The following TBCK variants were observed in gnomAD, a reference collection of about 807,000 sequenced individuals.
TBCK encodes the protein TBC domain-containing protein kinase-like protein.
In TBCK, 99 loss-of-function variants were observed where a neutral mutation model predicts 113.4. The ratio of observed to expected loss-of-function variants is 0.87; its 90% confidence interval spans 0.74 to 1.03. The LOEUF (loss-of-function observed/expected upper bound fraction) is 1.03, where lower values mean the gene tolerates loss of function less well. Ranked by LOEUF, TBCK falls within the 50% of genes least tolerant of loss-of-function variation. The pLI is 0.00. For synonymous variants in TBCK, 369 were observed against 370.8 expected (o/e 1.00, Z 0.05); for missense variants, 1,045 against 1,061.3 (o/e 0.98, Z 0.21).
At chr4:106,092,397 C>T (rs1027620424) in intron 25 of TBCK, among the ~76,000 whole-genome samples, 1 of 152,256 alleles carries the variant, frequency 6.6e-6, no homozygotes, top group African/African-American at 2.4e-5. Context: ...ACCGTGCACC[C>T]ACACTCCTCA....
At chr4:106,193,801 A>G in intron 21 of TBCK, 31 bp from the exon 22 acceptor site, 4 of 1,380,582 alleles carry the variant, frequency 2.9e-6, no homozygotes, top group Non-Finnish European at 3.9e-6. Flanking sequence ...AAATAAATTA[A>G]AAAACCAAAA....
Position 106,283,995 on chromosome 4 carries a change from G to A in TBCK, c.266+11099C>T, listed in dbSNP as rs368630035. On this transcript the variant is annotated intron_variant, in intron 3 of 25. Coordinates refer to ENST00000394708, the MANE Select transcript of TBCK (RefSeq NM_001163435.3). ...GCCAAGTTTGTATTAACAACACTTG[G>A]CAATTAGTAAGATATAAGGTACAAG... 5.9e-5 allele frequency among the ~76,000 whole-genome samples: 9 copies of A among 152,244 alleles called. No homozygotes were observed. The East Asian group carries it at 1.5e-3, about 26-fold the overall frequency.
chr4:106,106,140 T>C (rs1281406657), intron 24 of TBCK, among the ~76,000 whole-genome samples: 3 of 151,302 alleles, frequency 2.0e-5, no homozygotes, highest in Admixed American at 6.6e-5. Flanking sequence ...AATTATGGGA[T>C]TATGTAAAGA....
At chr4:106,284,431 T>C (rs1467539714) in intron 3 of TBCK, among the ~76,000 whole-genome samples, 1 of 152,106 alleles carries the variant, frequency 6.6e-6, no homozygotes, top group Admixed American at 6.6e-5. Context: ...AGATCATGTT[T>C]TCCATCAGGC....
rs142181713 is a variant in TBCK, at chr4:106,200,093, C to T, written c.1861-5339G>A. The stretch of plus-strand genomic sequence containing the variant: ...TTCACTGTGCTCTAGTTACAATGGT[C>T]TACTGGCTGCTCCTCCACATCTCTG... On this transcript the variant is annotated intron_variant, in intron 20 of 25. Coordinates refer to ENST00000394708, the MANE Select transcript of TBCK (RefSeq NM_001163435.3). Among the ~76,000 whole-genome samples, 764 of 152,318 alleles carry T rather than the reference C, an allele frequency of 5.0e-3. 4 individuals are homozygous for T. The highest frequency in any genetic ancestry group is 0.018 in the African/African-American group (735 of 41,574).
intron 10 of TBCK, among the ~76,000 whole-genome samples, chr4:106,245,550 C>T (rs1247727147): frequency 6.6e-6 from 1 of 152,108 alleles, no homozygotes; most frequent in Non-Finnish European, 1.5e-5. Context: ...TGTTTCCTTG[C>T]CCTTAAGGGG....
At chr4:106,100,627 C>T (rs556343049) in intron 24 of TBCK, among the ~76,000 whole-genome samples, 1 of 152,286 alleles carries the variant, frequency 6.6e-6, no homozygotes, top group South Asian at 2.1e-4. Context: ...GCAAGATTAT[C>T]TCTACCCTCA....
intron 5 of TBCK, among the ~76,000 whole-genome samples, chr4:106,255,658 GGCTGCA>G (rs1761909813): frequency 1.3e-5 from 2 of 149,712 alleles, no homozygotes; most frequent in African/African-American, 4.8e-5. Context: ...CTCCCCAAAG[GGCTGCA>G]GCTCCTCTCT....
intron 24 of TBCK, among the ~76,000 whole-genome samples, chr4:106,100,613 G>T (rs1741445684): frequency 6.6e-6 from 1 of 152,028 alleles, no homozygotes; most frequent in South Asian, 2.1e-4. Context: ...TCCTAATTTT[G>T]CCTGCAAGAT....
At chr4:106,264,186 T>C (rs1024972435) in intron 3 of TBCK, among the ~76,000 whole-genome samples, 3 of 151,956 alleles carry the variant, frequency 2.0e-5, no homozygotes, top group Non-Finnish European at 2.9e-5. Flanking sequence ...TACACTCCTT[T>C]CTGGAAGGTG....
At chr4:106,065,007 C>G (rs1736473165) in intron 25 of TBCK, among the ~76,000 whole-genome samples, 1 of 151,878 alleles carries the variant, frequency 6.6e-6, no homozygotes, top group African/African-American at 2.4e-5. Flanking sequence ...AAACTTTGAC[C>G]TTATGTTAGA....
chr4:106,252,967 T>G (rs1761594162), intron 5 of TBCK, among the ~76,000 whole-genome samples: 1 of 152,144 alleles, frequency 6.6e-6, no homozygotes, highest in Non-Finnish European at 1.5e-5. Flanking sequence ...TGCAAAACAC[T>G]GCCTATTAAA....
At chr4:106,114,106 G>A (rs987959630) in intron 24 of TBCK, among the ~76,000 whole-genome samples, 10 of 152,152 alleles carry the variant, frequency 6.6e-5, no homozygotes, top group African/African-American at 1.2e-4. Flanking sequence ...AGCAGTGCCC[G>A]CCACACCTGA....
At chr4:106,099,995 T>C (rs1741361012) in intron 24 of TBCK, among the ~76,000 whole-genome samples, 1 of 152,212 alleles carries the variant, frequency 6.6e-6, no homozygotes, top group Non-Finnish European at 1.5e-5. Context: ...AACTAAATCA[T>C]GCACTGTTAC....
At chr4:106,278,449 T>C (rs901269122) in intron 3 of TBCK, among the ~76,000 whole-genome samples, 1 of 150,278 alleles carries the variant, frequency 6.7e-6, no homozygotes, top group African/African-American at 2.4e-5. Context: ...ATCCCAGCTA[T>C]TCGGGAGGCT....
intron 22 of TBCK, among the ~76,000 whole-genome samples, chr4:106,174,349 G>A (rs1204227929): frequency 6.6e-5 from 10 of 152,168 alleles, no homozygotes; most frequent in African/African-American, 1.4e-4. Context: ...AACCTTCAAT[G>A]AATATCATTA....
At chr4:106,090,293 G>A (rs1050262912) in intron 25 of TBCK, among the ~76,000 whole-genome samples, 10 of 152,216 alleles carry the variant, frequency 6.6e-5, no homozygotes, top group Admixed American at 2.0e-4. Flanking sequence ...GCCGGAGCCT[G>A]AGTGGTCACG....
intron 23 of TBCK, among the ~76,000 whole-genome samples, chr4:106,152,490 T>A (rs1034429749): frequency 1.3e-5 from 2 of 151,922 alleles, no homozygotes; most frequent in African/African-American, 4.8e-5. Flanking sequence ...GTTTGCTAAA[T>A]TTTTTTTGAG....
At chr4:106,077,047 GCT>G (rs1738273394) in intron 25 of TBCK, among the ~76,000 whole-genome samples, 1 of 152,114 alleles carries the variant, frequency 6.6e-6, no homozygotes, top group Non-Finnish European at 1.5e-5. Context: ...GTTGCAGTGA[GCT>G]GAGATTGTAC....
Sources: gnomAD v4.1 joint callset for allele counts (sites outside exome capture counted in the v4.1 genomes callset) on GRCh38, gnomAD v4.1.1 for gene constraint, MANE v1.5 for transcripts, NCBI Gene and HGNC (gene_info 2026-07-23, HGNC 2026-07-21) for gene names.